The following PTPRN2 variants were observed in gnomAD, a reference collection of about 807,000 sequenced individuals.
The protein encoded by PTPRN2 is receptor-type tyrosine-protein phosphatase N2.
PTPRN2 carries 74 observed loss-of-function variants against 118.8 expected under a neutral mutation model. The ratio of observed to expected loss-of-function variants is 0.62; its 90% confidence interval spans 0.52 to 0.76. PTPRN2 has a LOEUF of 0.76. Among genes scored for constraint, PTPRN2 ranks in the 30% least tolerant of loss-of-function variants. PTPRN2 has a pLI of 0.00. For missense variants in PTPRN2, 1,481 were observed against 1,394.4 expected (o/e 1.06, Z -0.99); for synonymous variants, 641 against 608.0 (o/e 1.05, Z -0.80).
chr7:157,684,439 A>C (rs1459602850), intron 12 of PTPRN2, among the ~76,000 whole-genome samples: 1 of 123,230 alleles, frequency 8.1e-6, no homozygotes, highest in Admixed American at 8.4e-5. Flanking sequence ...GAGGGGAGTG[A>C]GCAGGGAGCC....
chr7:157,738,208 G>A (rs1800412838), intron 12 of PTPRN2, among the ~76,000 whole-genome samples: 1 of 152,216 alleles, frequency 6.6e-6, no homozygotes, highest in South Asian at 2.1e-4. Flanking sequence ...AGCTCCACGT[G>A]ACCCAGGGGG....
At chr7:158,155,774 A>G (rs1427460528) in intron 6 of PTPRN2, among the ~76,000 whole-genome samples, 4 of 146,948 alleles carry the variant, frequency 2.7e-5, no homozygotes, top group Admixed American at 6.9e-5. Flanking sequence ...CACCATCAAC[A>G]CTATCATTAC....
chr7:158,151,103 T>C (rs368154063), intron 6 of PTPRN2, among the ~76,000 whole-genome samples: 24,110 of 45,130 alleles, frequency 0.53, 8,407 homozygotes, highest in East Asian at 0.67. Flanking sequence ...ACCGCCCGCC[T>C]TTCTGCTCCT....
At chr7:157,921,486 T>C (rs1285855934) in intron 11 of PTPRN2, among the ~76,000 whole-genome samples, 1 of 152,238 alleles carries the variant, frequency 6.6e-6, no homozygotes, top group African/African-American at 2.4e-5. Context: ...CTGAAACTCA[T>C]GCTGAAATTT....
intron 11 of PTPRN2, chr7:158,031,031 G>A (rs1373714442): frequency 2.0e-5 from 3 of 152,192 alleles, no homozygotes; most frequent in Admixed American, 6.5e-5. Flanking sequence ...TAATATCCTC[G>A]AGTGATAAAT....
At chr7:158,578,760 T>TGTTG (rs548284023) in intron 1 of PTPRN2, among the ~76,000 whole-genome samples, 1 of 151,886 alleles carries the variant, frequency 6.6e-6, no homozygotes, top group African/African-American at 2.4e-5. Context: ...TTCTCTTTTT[T>TGTTG]TTTTTGTTGT....
In PTPRN2 at chr7:158,070,430, G is replaced by T. The variant is rs866519304; in HGVS notation, c.1723+10868C>A. ...GGACGTGCTCGTGGTGGTGGTGCTC[G>T]TGGTGGTGGAGGTGCCCGTGGTGGT... On this transcript the variant is annotated intron_variant, in intron 11 of 22. Transcript: ENST00000389418. 2.0e-4 allele frequency among the ~76,000 whole-genome samples: 25 copies of T among 122,508 alleles called. No individual in the cohort carries two copies. In the South Asian group the frequency reaches 3.3e-3, roughly 16 times the overall value. 80.4% of individuals were successfully genotyped at this position (122,508 alleles called of 152,430 possible).
At chr7:158,134,744 A>T (rs1386154023) in intron 8 of PTPRN2, among the ~76,000 whole-genome samples, 1 of 151,962 alleles carries the variant, frequency 6.6e-6, no homozygotes, top group Middle Eastern at 3.2e-3. Flanking sequence ...ATCCCTCGGA[A>T]CCCCCTGGCA....
chr7:157,701,962 C>CTGACGCGGGCTGTGGGTTTGT, intron 12 of PTPRN2, among the ~76,000 whole-genome samples: 1 of 150,112 alleles, frequency 6.7e-6, no homozygotes, highest in African/African-American at 2.5e-5. Context: ...GCTGGTGTAA[C>CTGACGCGGGCTGTGGGTTTGT]TGACGCGGGC....
At chr7:158,416,548 A>G (rs937994439) in intron 2 of PTPRN2, among the ~76,000 whole-genome samples, 2 of 152,218 alleles carry the variant, frequency 1.3e-5, no homozygotes, top group African/African-American at 4.8e-5. Flanking sequence ...TGGCCACATC[A>G]TCTCCCAGGG....
chr7:158,077,355 G>C (rs529623811), intron 11 of PTPRN2, among the ~76,000 whole-genome samples: 17 of 152,300 alleles, frequency 1.1e-4, no homozygotes, highest in Admixed American at 5.2e-4. Flanking sequence ...GAAAGTCACC[G>C]TACCTCTGAA....
intron 12 of PTPRN2, among the ~76,000 whole-genome samples, chr7:157,683,752 G>A (rs532989472): frequency 1.1e-4 from 17 of 152,158 alleles, no homozygotes; most frequent in African/African-American, 3.1e-4. Flanking sequence ...ATAGTTGCAC[G>A]GCTCTCCCCT....
chr7:158,185,803 G>A (rs1368275070), intron 5 of PTPRN2, among the ~76,000 whole-genome samples: 1 of 152,212 alleles, frequency 6.6e-6, no homozygotes, highest in Non-Finnish European at 1.5e-5. Flanking sequence ...CCAGGTTTCT[G>A]AACCATGGGG....
intron 11 of PTPRN2, among the ~76,000 whole-genome samples, chr7:157,938,736 T>C (rs1304570203): frequency 1.3e-5 from 2 of 152,246 alleles, no homozygotes; most frequent in African/African-American, 2.4e-5. Flanking sequence ...AGATACATTG[T>C]CCTTGTAGTA....
At chr7:158,533,733 G>A (rs987962451) in intron 1 of PTPRN2, among the ~76,000 whole-genome samples, 5 of 152,164 alleles carry the variant, frequency 3.3e-5, no homozygotes, top group Admixed American at 6.5e-5. Context: ...ACATCCTTTC[G>A]CCACCACACA....
chr7:158,268,818 A>AGC (rs1798091718), intron 3 of PTPRN2, among the ~76,000 whole-genome samples: 1 of 131,910 alleles, frequency 7.6e-6, no homozygotes, highest in African/African-American at 3.0e-5. Context: ...TCCCAGCCGC[A>AGC]CGCACACAGG....
intron 12 of PTPRN2, among the ~76,000 whole-genome samples, chr7:157,697,611 G>T (rs1797860031): frequency 8.4e-6 from 1 of 119,628 alleles, no homozygotes; most frequent in Non-Finnish European, 2.0e-5. Flanking sequence ...ATGCATACTG[G>T]GTCTTAGTAG....
intron 11 of PTPRN2, among the ~76,000 whole-genome samples, chr7:157,922,133 T>C (rs1798724278): frequency 6.6e-6 from 1 of 152,162 alleles, no homozygotes; most frequent in Admixed American, 6.5e-5. Flanking sequence ...AAACTGTAGG[T>C]AAAGGGCATT....
chr7:157,670,888 G>A (rs1382248382), intron 13 of PTPRN2, among the ~76,000 whole-genome samples: 3 of 152,118 alleles, frequency 2.0e-5, no homozygotes, highest in African/African-American at 4.8e-5. Context: ...CAGGCCTGAC[G>A]TGGAAGTAGA....
Sources: allele counts gnomAD v4.1 joint callset (sites outside exome capture counted in the v4.1 genomes callset), GRCh38; gene constraint gnomAD v4.1.1; transcripts MANE v1.5; gene names NCBI Gene and HGNC (gene_info 2026-07-23, HGNC 2026-07-21).